The following SPMIP6 variants were observed in gnomAD, a reference collection of about 807,000 sequenced individuals.
The protein encoded by SPMIP6 is sperm microtubule inner protein 6, also known as ciliated bronchial epithelial protein 1.
the SPMIP6 span, chr9:34,381,890 G>T: frequency 1.5e-6 from 1 of 649,214 alleles, no homozygotes; most frequent in Non-Finnish European, 1.9e-6. This position sits in a 1 kb window ranked among gnomAD's most constrained non-coding sequence, Gnocchi z 4.4. Context: ...GCAGTTAAGA[G>T]CCCCGGCTCT....
At chr9:34,381,111 T>C in the SPMIP6 span, 1 of 1,603,580 alleles carries the variant, frequency 6.2e-7, no homozygotes, top group African/African-American at 1.3e-5. The surrounding 1 kb of genome is among the most constrained non-coding windows in gnomAD (Gnocchi z 4.4). Context: ...GAGTTCAGCA[T>C]GTTCACCATC....
chr9:34,382,895 A>T, the SPMIP6 span: 2 of 1,407,892 alleles, frequency 1.4e-6, no homozygotes. Flanking sequence ...GGAGATGTCA[A>T]ATAGTGTTAC....
At chr9:34,382,767 G>A in the SPMIP6 span, 4 of 1,613,480 alleles carry the variant, frequency 2.5e-6, no homozygotes, top group Non-Finnish European at 1.7e-6. Context: ...AGGCAGCCGA[G>A]GAAGGTAGGT....
the SPMIP6 span, chr9:34,382,959 C>G: frequency 1.1e-6 from 1 of 908,924 alleles, no homozygotes; most frequent in Non-Finnish European, 1.8e-6. Context: ...TTCCGATTCC[C>G]AGCACAAAGC....
the SPMIP6 span, among the ~76,000 whole-genome samples, chr9:34,391,885 G>C: frequency 2.6e-5 from 4 of 152,102 alleles, no homozygotes; most frequent in Non-Finnish European, 2.9e-5. Flanking sequence ...TATATTGCGA[G>C]AGTTTTAGAT....
At chr9:34,383,019 C>G in the SPMIP6 span, 1 of 640,940 alleles carries the variant, frequency 1.6e-6, no homozygotes. Context: ...CCAGCCGGGC[C>G]TACACTTGTC....
the SPMIP6 span, among the ~76,000 whole-genome samples, chr9:34,380,060 A>G: frequency 6.6e-6 from 1 of 152,278 alleles, no homozygotes; most frequent in East Asian, 1.9e-4. Flanking sequence ...ACGAGGCATC[A>G]TTTCTGAGCT....
At chr9:34,386,431 TA>T in the SPMIP6 span, among the ~76,000 whole-genome samples, 1 of 151,858 alleles carries the variant, frequency 6.6e-6, no homozygotes, top group African/African-American at 2.4e-5. Context: ...CCGTCTCTAC[TA>T]AAAATACAAA....
the SPMIP6 span, chr9:34,380,788 A>G: frequency 1.2e-5 from 18 of 1,538,904 alleles, no homozygotes; most frequent in South Asian, 8.5e-5. Flanking sequence ...GCGGGGCTAG[A>G]GCAGGCTGGG....
the SPMIP6 span, chr9:34,380,750 A>AC: frequency 6.5e-7 from 1 of 1,548,152 alleles, no homozygotes; most frequent in Non-Finnish European, 8.7e-7. Flanking sequence ...CGAGGGCGGG[A>AC]CACGGCAGGG....
the SPMIP6 span, among the ~76,000 whole-genome samples, chr9:34,389,258 CTCT>C: frequency 2.6e-5 from 4 of 152,058 alleles, no homozygotes; most frequent in African/African-American, 9.7e-5. Context: ...CTTGATGAAC[CTCT>C]TCTTGTGTGG....
chr9:34,387,354 A>C, the SPMIP6 span, among the ~76,000 whole-genome samples: 1 of 152,124 alleles, frequency 6.6e-6, no homozygotes, highest in Non-Finnish European at 1.5e-5. Flanking sequence ...AACCATCCTC[A>C]AAACCTCTCT....
At chr9:34,380,799 G>T in the SPMIP6 span, 1 of 1,536,574 alleles carries the variant, frequency 6.5e-7, no homozygotes. Flanking sequence ...GCAGGCTGGG[G>T]GCCTGCACGG....
At chr9:34,387,942 C>A in the SPMIP6 span, among the ~76,000 whole-genome samples, 3 of 152,162 alleles carry the variant, frequency 2.0e-5, no homozygotes, top group African/African-American at 4.8e-5. Context: ...TTCTGAGAAT[C>A]TAGTGCTGAA....
At chr9:34,385,776 C>A in the SPMIP6 span, 1 of 1,612,704 alleles carries the variant, frequency 6.2e-7, no homozygotes, top group South Asian at 1.1e-5. Flanking sequence ...TGGTATGAGT[C>A]AGACCCTGGG....
chr9:34,395,687 T>C, the SPMIP6 span, among the ~76,000 whole-genome samples: 10 of 152,356 alleles, frequency 6.6e-5, no homozygotes, highest in Admixed American at 1.3e-4. Context: ...CATCTTTTCC[T>C]GGATATCCTC....
chr9:34,393,944 T>C, the SPMIP6 span, among the ~76,000 whole-genome samples: 1 of 152,188 alleles, frequency 6.6e-6, no homozygotes, highest in African/African-American at 2.4e-5. Flanking sequence ...TGCCTACTCA[T>C]TTTTTAATAA....
the SPMIP6 span, among the ~76,000 whole-genome samples, chr9:34,388,935 T>TTTC: frequency 0.017 from 1,556 of 90,398 alleles, 43 homozygotes; most frequent in African/African-American, 0.058. Flanking sequence ...TCTCTTTCTT[T>TTTC]TTTTTTTTTT....
the SPMIP6 span, chr9:34,379,891 C>T: frequency 1.7e-6 from 1 of 591,260 alleles, no homozygotes; most frequent in Non-Finnish European, 3.0e-6. This position sits in a 1 kb window ranked among gnomAD's most constrained non-coding sequence, Gnocchi z 4.2. Context: ...CACTGCAGCA[C>T]CGATTCGGGA....
Sources: allele counts gnomAD v4.1 joint callset (sites outside exome capture counted in the v4.1 genomes callset), GRCh38; gene constraint gnomAD v4.1.1; non-coding constraint Gnocchi (gnomAD v3.1); transcripts MANE v1.5; gene names NCBI Gene and HGNC (gene_info 2026-07-23, HGNC 2026-07-21).